XAF1: variants seen among roughly 807,000 people sequenced by gnomAD.
XAF1 encodes XIAP associated factor 1.
In XAF1, 32 loss-of-function variants were observed where a neutral mutation model predicts 32.3. The observed-to-expected ratio is 0.99, with a 90% CI of 0.75 to 1.33. The LOEUF (loss-of-function observed/expected upper bound fraction) is 1.33. Ranked by LOEUF, XAF1 falls within the 40% of genes most tolerant of loss-of-function variation. The pLI is 0.00. For missense variants in XAF1, 379 were observed against 366.0 expected (o/e 1.04, Z -0.29); for synonymous variants, 120 against 125.9 (o/e 0.95, Z 0.31).
Position 6,763,841 on chromosome 17 carries a change from C to T in XAF1, c.507+1601C>T, listed in dbSNP as rs139267319. Among the ~76,000 whole-genome samples, 902 of 152,308 alleles carry T rather than the reference C, an allele frequency of 5.9e-3. 7 individuals carry two copies. The highest frequency in any genetic ancestry group is 0.014 in the Admixed American group (217 of 15,298). ...AGTCTGAGATGCGCTGCCCCAGCCA[C>T]GGGATTCTCAGCCTTGGCTGTACGT... On this transcript the variant is annotated intron_variant, in intron 5 of 6. Transcript: ENST00000361842.
intron 5 of XAF1, among the ~76,000 whole-genome samples, chr17:6,763,503 T>C (rs76659079): frequency 1.3e-5 from 2 of 150,766 alleles, no homozygotes; most frequent in African/African-American, 4.9e-5. Flanking sequence ...AATTTTTGTA[T>C]TTTTTTTTAG....
At chr17:6,757,228 C>T (rs1974759667) in intron 1 of XAF1, among the ~76,000 whole-genome samples, 1 of 152,192 alleles carries the variant, frequency 6.6e-6, no homozygotes, top group South Asian at 2.1e-4. Context: ...ATCTCTAACT[C>T]CTGACCTCAG....
intron 1 of XAF1, among the ~76,000 whole-genome samples, chr17:6,757,870 A>G (rs1003429335): frequency 6.6e-6 from 1 of 151,996 alleles, no homozygotes; most frequent in African/African-American, 2.4e-5. Context: ...TGCCCCAGCA[A>G]TGTAAGAGCT....
chr17:6,774,694 A>C lies in XAF1; in HGVS notation c.*1525A>C, dbSNP rs964308473. 6.6e-6 allele frequency: 1 copy of C among 152,216 alleles called. No homozygotes were observed. The highest frequency in any genetic ancestry group is 1.5e-5 in the Non-Finnish European group (1 of 68,044). The allele number at this position is 152,216 out of a possible 1,614,324, so 9.4% of individuals were successfully genotyped here. A position where few individuals can be genotyped will look rare whatever the true frequency, so the allele number is the denominator to read the frequency against. On this transcript the variant is annotated 3_prime_UTR_variant, in exon 7 of 7. Coordinates refer to ENST00000361842, the MANE Select transcript of XAF1 (RefSeq NM_017523.5). ...AAATGTTCACGGCAGCACTATACACAATCGCAAAGTCAGGGAATCAAACTA... is the reference window on the plus strand; with the variant it reads ...AAATGTTCACGGCAGCACTATACACCATCGCAAAGTCAGGGAATCAAACTA...
upstream of XAF1, chr17:6,755,923 G>GT: frequency 6.7e-7 from 1 of 1,501,332 alleles, no homozygotes; most frequent in Non-Finnish European, 8.9e-7. Context: ...TTCTTGGGAG[G>GT]GTCCAGCCTC....
rs376061285 is a variant in XAF1, at chr17:6,766,757, T to C, written c.508-3886T>C. Among the ~76,000 whole-genome samples, 377 of 152,310 alleles carry C rather than the reference T, an allele frequency of 2.5e-3. 3 individuals are homozygous for C. Among genetic ancestry groups the C allele is most frequent in the African/African-American group, 8.7e-3 (362 of 41,564 alleles). ...TTTCTAGGTACCTATCACTAAATCA[T>C]CCCTAAAATTCTCTACCAGATCTGA... On this transcript the variant is annotated intron_variant, in intron 5 of 6. Transcript: ENST00000361842.
At chr17:6,768,052 T>C (rs1242628739) in intron 5 of XAF1, among the ~76,000 whole-genome samples, 4 of 152,198 alleles carry the variant, frequency 2.6e-5, no homozygotes, top group African/African-American at 9.7e-5. Flanking sequence ...TACTGATTAT[T>C]GTTGTTATTT....
At position 6,762,315 on chromosome 17, in the gene XAF1, G is replaced by C. The variant is rs1975282877; in HGVS notation, c.507+75G>C. ...TCTGAAAAGTGTGATAGGAAAGGCA[G>C]ATTCTGGGCCCAATTTTACATAGCA... On this transcript the variant is annotated intron_variant, in intron 5 of 6. Transcript: ENST00000361842. The C allele has an allele frequency of 6.9e-6, 9 of 1,298,898 alleles. No homozygotes were observed. The South Asian group carries it at 1.2e-4, about 17-fold the overall frequency. The allele number at this position is 1,298,898 out of a possible 1,614,324, so 80.5% of individuals were successfully genotyped here.
chr17:6,760,925 C>A (rs888630637), intron 4 of XAF1, among the ~76,000 whole-genome samples: 1 of 152,098 alleles, frequency 6.6e-6, no homozygotes, highest in Non-Finnish European at 1.5e-5. Flanking sequence ...GAGGCTGAGG[C>A]GGGCAGATCA....
intron 5 of XAF1, among the ~76,000 whole-genome samples, chr17:6,763,396 C>T (rs898657479): frequency 2.6e-5 from 4 of 152,188 alleles, no homozygotes; most frequent in East Asian, 1.9e-4. Flanking sequence ...GGCGTGATCT[C>T]GGCTCACTGC....
chr17:6,756,389 C>A, intron 1 of XAF1: 3 of 878,434 alleles, frequency 3.4e-6, no homozygotes, highest in Non-Finnish European at 3.2e-6. Flanking sequence ...CCAGTGGTCC[C>A]AACTGGGCTA....
intron 5 of XAF1, among the ~76,000 whole-genome samples, chr17:6,763,523 G>A (rs1046452063): frequency 2.6e-5 from 4 of 152,034 alleles, no homozygotes; most frequent in African/African-American, 9.7e-5. Flanking sequence ...GTAGAGACGG[G>A]GTTTTACCAT....
intron 4 of XAF1, among the ~76,000 whole-genome samples, chr17:6,761,562 A>G (rs942789156): frequency 6.6e-6 from 1 of 152,228 alleles, no homozygotes; most frequent in Non-Finnish European, 1.5e-5. Flanking sequence ...GAGAGAGCCT[A>G]AAACTCCCCA....
intron 5 of XAF1, among the ~76,000 whole-genome samples, chr17:6,763,733 G>A (rs1975390563): frequency 6.6e-6 from 1 of 152,144 alleles, no homozygotes; most frequent in Non-Finnish European, 1.5e-5. Flanking sequence ...CTGGAATCCT[G>A]TTAGAAATGC....
At chr17:6,756,183 T>A in intron 1 of XAF1, 73 bp downstream of exon 1, 1 of 1,611,088 alleles carries the variant, frequency 6.2e-7, no homozygotes, top group Non-Finnish European at 8.5e-7. Flanking sequence ...GGGCTGTTTC[T>A]GAAGGGAGCA....
chr17:6,766,101 G>A (rs1388218241), intron 5 of XAF1, among the ~76,000 whole-genome samples: 1 of 151,992 alleles, frequency 6.6e-6, no homozygotes, highest in Non-Finnish European at 1.5e-5. Context: ...CCTACTCCAG[G>A]AGCTAACTCT....
At position 6,773,100 on chromosome 17, in the gene XAF1, A is replaced by T; in HGVS notation, c.850-13A>T. The T allele has an allele frequency of 6.2e-7, 1 of 1,601,306 alleles. No individual in the cohort carries two copies. The highest frequency in any genetic ancestry group is 1.8e-5 in the Admixed American group (1 of 56,508). ...TTTAACCATATCAAACTTTTTTTAT[A>T]TCCATTTCTTAGGAGAAATGCCGGT... On this transcript the variant is annotated splice_polypyrimidine_tract_variant and intron_variant, in intron 6 of 6. Transcript: ENST00000361842.
intron 5 of XAF1, among the ~76,000 whole-genome samples, chr17:6,766,306 T>C (rs1360106821): frequency 1.3e-5 from 2 of 152,220 alleles, no homozygotes; most frequent in African/African-American, 4.8e-5. Context: ...TTGTTAATTG[T>C]CTCCCACGAC....
intron 5 of XAF1, among the ~76,000 whole-genome samples, chr17:6,765,212 G>A (rs1028103230): frequency 1.3e-5 from 2 of 152,132 alleles, no homozygotes; most frequent in African/African-American, 2.4e-5. Context: ...AGGAGATCGA[G>A]ACCAACCTGG....
Sources: gnomAD v4.1 joint callset for allele counts (sites outside exome capture counted in the v4.1 genomes callset) on GRCh38, gnomAD v4.1.1 for gene constraint, MANE v1.5 for transcripts, NCBI Gene and HGNC (gene_info 2026-07-23, HGNC 2026-07-21) for gene names.